The following SHKBP1 variants were observed in gnomAD, a reference collection of about 807,000 sequenced individuals.
SHKBP1 encodes SH3KBP1-binding protein 1.
In SHKBP1, 71 loss-of-function variants were observed where a neutral mutation model predicts 83.9. The ratio of observed to expected loss-of-function variants is 0.85; its 90% CI spans 0.70 to 1.03. The LOEUF (loss-of-function observed/expected upper bound fraction) is 1.03. SHKBP1 is among the 50% of genes least tolerant of loss of function. The pLI is 0.00. For synonymous variants in SHKBP1, 371 were observed against 398.0 expected (o/e 0.93, Z 0.81); for missense variants, 824 against 982.4 (o/e 0.84, Z 2.16).
Position 40,582,976 on chromosome 19 carries a change from CAG to C in SHKBP1, c.961-416_961-415del, listed in dbSNP as rs575098313. On this transcript the variant is annotated intron_variant, in intron 10 of 17. Coordinates refer to ENST00000291842, the MANE Select transcript of SHKBP1 (RefSeq NM_138392.4). ...AACCACTGTGGCAGATGGGGGAACT[CAG>C]AGAGATAAATGGAGATGAATTAGAG... Among the ~76,000 whole-genome samples, 651 of 151,800 alleles carry C rather than the reference CAG, an allele frequency of 4.3e-3. 3 individuals carry two copies. Among genetic ancestry groups the C allele is most frequent in the Admixed American group, 8.5e-3 (130 of 15,238 alleles).
Position 40,589,074 on chromosome 19 carries a change from T to C in SHKBP1, c.1493-8T>C. On this transcript the variant is annotated splice_region_variant and splice_polypyrimidine_tract_variant and intron_variant, in intron 14 of 17. Transcript: ENST00000291842. ...GCTGGCCCTGACCCCTGCCCCTGCCTGGCCCAGGCCCCTACGGTGAGCGGG... is the reference window on the plus strand; with the variant it reads ...GCTGGCCCTGACCCCTGCCCCTGCCCGGCCCAGGCCCCTACGGTGAGCGGG... 3 of 1,611,070 alleles carry C rather than the reference T, an allele frequency of 1.9e-6. No individual in the cohort carries two copies. The highest frequency in any genetic ancestry group is 2.2e-5 in the South Asian group (2 of 91,078).
At chr19:40,589,575 G>A (rs1285121283) in intron 15 of SHKBP1, among the ~76,000 whole-genome samples, 2 of 150,510 alleles carry the variant, frequency 1.3e-5, no homozygotes, top group African/African-American at 4.9e-5. Context: ...GGCAGGGGTC[G>A]GGATGGGATG....
intron 14 of SHKBP1, 122 bp downstream of exon 14, chr19:40,588,901 T>C: frequency 7.2e-7 from 1 of 1,393,992 alleles, no homozygotes; most frequent in East Asian, 2.5e-5. Context: ...GGTGTCCTGA[T>C]CCTTGAGGCA....
chr19:40,578,166 T>A lies in SHKBP1; in HGVS notation c.273T>A (p.Gly91=), dbSNP rs747387449. The change falls in exon 5 of 18, where the codon GGT becomes GGA. Residue 91 remains glycine (G), a synonymous_variant. Coordinates refer to ENST00000291842, the MANE Select transcript of SHKBP1 (RefSeq NM_138392.4). ...TKELDPRGVH[G]SSLLHEAQFY... ...TTCTACTACCCAGGGGTGTCCACGG[T>A]TCCAGCCTCCTCCATGAAGCCCAGT... The A allele has an allele frequency of 1.2e-5, 20 of 1,614,016 alleles. No homozygotes were observed. Among genetic ancestry groups the A allele is most frequent in the Non-Finnish European group, 1.7e-5 (20 of 1,179,992 alleles).
intron 10 of SHKBP1, 77 bp downstream of exon 10, chr19:40,582,543 G>A: frequency 3.2e-6 from 4 of 1,235,074 alleles, no homozygotes; most frequent in Admixed American, 2.1e-5. Context: ...GTTCACGTCT[G>A]CCCCCACCCC....
chr19:40,580,730 C>G lies in SHKBP1; in HGVS notation c.654-16C>G, dbSNP rs958919639. ...GGCATGCGGTGAGGGTTGGTGATGT[C>G]CCCTCGATCCTACAGGTTGAAGGAA... On this transcript the variant is annotated splice_polypyrimidine_tract_variant and intron_variant, in intron 8 of 17. Coordinates refer to ENST00000291842, the MANE Select transcript of SHKBP1 (RefSeq NM_138392.4). 7.4e-6 allele frequency: 12 copies of G among 1,612,604 alleles called. No homozygotes were observed. The highest frequency in any genetic ancestry group is 3.3e-4 in the Middle Eastern group (2 of 6,064).
chr19:40,586,804 ATGGCACCAGC>A lies in SHKBP1; in HGVS notation c.1198_1207del (p.Gly400GlnfsTer56). The A allele has an allele frequency of 6.2e-7, 1 of 1,602,396 alleles. No homozygotes were observed. The highest frequency in any genetic ancestry group is 8.5e-7 in the Non-Finnish European group (1 of 1,172,504). Reference sequence around the variant, plus strand: ...AGTGGGAACTGGATCGAGATCGCCTATGGCACCAGCTCAGGGGGCGTGCGGGTCATCGTGC... The same window carrying A: ...AGTGGGAACTGGATCGAGATCGCCTATCAGGGGGCGTGCGGGTCATCGTGC... On this transcript the variant is annotated frameshift_variant, in exon 13 of 18. Transcript: ENST00000291842. LOFTEE classifies it high-confidence loss of function.
chr19:40,584,297 G>C (rs796125850), intron 12 of SHKBP1, among the ~76,000 whole-genome samples: 1 of 152,180 alleles, frequency 6.6e-6, no homozygotes, highest in African/African-American at 2.4e-5. Flanking sequence ...TTGTGATTAA[G>C]GCATGATGTT....
intron 6 of SHKBP1, chr19:40,580,031 CAAAAAAA>C (rs35620022): frequency 1.4e-4 from 9 of 64,124 alleles, no homozygotes; most frequent in African/African-American, 4.4e-4. Context: ...AACTCCAACT[CAAAAAAA>C]AAAAAAAAAA....
chr19:40,580,031 CAAAAAAAA>C lies in SHKBP1; in HGVS notation c.401-277_401-270del, dbSNP rs35620022. Reference sequence around the variant, plus strand: ...CTGTGCAACGAGCGAAACTCCAACTCAAAAAAAAAAAAAAAAAAAAAAACGGAAAATTA... The same window carrying C: ...CTGTGCAACGAGCGAAACTCCAACTCAAAAAAAAAAAAAAACGGAAAATTA... On this transcript the variant is annotated intron_variant, in intron 6 of 17. Coordinates refer to ENST00000291842, the MANE Select transcript of SHKBP1 (RefSeq NM_138392.4). 9.4e-5 allele frequency: 6 copies of C among 64,122 alleles called. No homozygotes were observed. The East Asian group carries it at 3.1e-3, about 33-fold the overall frequency. The allele number at this position is 64,122 out of a possible 1,614,324, so 4.0% of individuals were successfully genotyped here.
At chr19:40,578,015 C>T in intron 4 of SHKBP1, 139 bp from the exon 5 acceptor site, 1 of 725,958 alleles carries the variant, frequency 1.4e-6, no homozygotes, top group East Asian at 2.5e-5. Flanking sequence ...CCACCCATAT[C>T]ATCACTCCTT....
At chr19:40,583,353 G>T in intron 10 of SHKBP1, 45 bp from the exon 11 acceptor site, 1 of 1,494,074 alleles carries the variant, frequency 6.7e-7, no homozygotes, top group South Asian at 1.3e-5. Flanking sequence ...GGAAGGAAAG[G>T]AATGGAAGGG....
chr19:40,582,737 G>C (rs189014910), intron 10 of SHKBP1, among the ~76,000 whole-genome samples: 17 of 152,034 alleles, frequency 1.1e-4, no homozygotes, highest in South Asian at 4.2e-4. Context: ...TGAGAGAGCA[G>C]GTTAGGGGGG....
chr19:40,584,664 C>A (rs369415120), intron 12 of SHKBP1, among the ~76,000 whole-genome samples: 4 of 152,320 alleles, frequency 2.6e-5, no homozygotes, highest in East Asian at 3.9e-4. Context: ...CTCTGCTGCC[C>A]AGGCTGGAGT....
Position 40,591,217 on chromosome 19 carries a change from C to T in SHKBP1, c.*10C>T, listed in dbSNP as rs768605746. 2.6e-6 allele frequency: 4 copies of T among 1,565,000 alleles called. No homozygotes were observed. The Admixed American group carries it at 6.9e-5, about 27-fold the overall frequency. On this transcript the variant is annotated 3_prime_UTR_variant, in exon 18 of 18. Coordinates refer to ENST00000291842, the MANE Select transcript of SHKBP1 (RefSeq NM_138392.4). ...TGAAACTTCCTTTTGAACAACGCAG[C>T]TGCCATGATGCCTTGGGATGCCCTG...
At chr19:40,577,360 G>A in intron 2 of SHKBP1, 36 bp from the exon 3 acceptor site, 1 of 1,613,962 alleles carries the variant, frequency 6.2e-7, no homozygotes, top group South Asian at 1.1e-5. Context: ...CCACTCCCCC[G>A]GCCCGTGACG....
Position 40,577,092 on chromosome 19 carries a change from C to G in SHKBP1, c.86+107C>G, listed in dbSNP as rs551604033. ...TGTCCATCAAGGGTTGCTCCGCCCC[C>G]CCCCCCTTTGGAGGCGCGAGATTCT... On this transcript the variant is annotated intron_variant, in intron 1 of 17. Coordinates refer to ENST00000291842, the MANE Select transcript of SHKBP1 (RefSeq NM_138392.4). 1.5e-3 allele frequency: 2,003 copies of G among 1,347,066 alleles called. 41 individuals carry two copies. In the Admixed American group the frequency reaches 0.027, roughly 18 times the overall value. 83.4% of individuals were successfully genotyped at this position (1,347,066 alleles called of 1,614,324 possible).
At chr19:40,589,941 C>T (rs1406982834) in intron 15 of SHKBP1, among the ~76,000 whole-genome samples, 1 of 151,484 alleles carries the variant, frequency 6.6e-6, no homozygotes, top group African/African-American at 2.4e-5. Flanking sequence ...TGATGGGAGG[C>T]CAGGAGCCCA....
rs762771007 is a variant in SHKBP1 at position 40,580,792 on chromosome 19, C to G, written c.700C>G (p.Leu234Val). ...GCAGCTGGTGTTTTCCAGCCCCCGCCTGGACTGGCCCATCGAACGACTGGC... is the reference window on the plus strand; with the variant it reads ...GCAGCTGGTGTTTTCCAGCCCCCGCGTGGACTGGCCCATCGAACGACTGGC... ...GWQLVFSSPR[L>V]DWPIERLALT... The change falls in exon 9 of 18, where the codon CTG becomes GTG. Residue 234 changes from leucine (L) to valine (V), a missense_variant. This residue lies in a region of SHKBP1 where 355 missense variants were observed against 386.4 expected (regional missense o/e 0.92). Coordinates refer to ENST00000291842, the MANE Select transcript of SHKBP1 (RefSeq NM_138392.4). 3.7e-6 allele frequency: 6 copies of G among 1,612,250 alleles called. No individual in the cohort carries two copies. In the South Asian group the frequency reaches 6.6e-5, roughly 18 times the overall value.
Sources: gnomAD v4.1 joint callset for allele counts (sites outside exome capture counted in the v4.1 genomes callset) on GRCh38, gnomAD v4.1.1 for gene constraint, gnomAD v4.1.1 regional missense constraint, MANE v1.5 for transcripts, NCBI Gene and HGNC (gene_info 2026-07-23, HGNC 2026-07-21) for gene names.